The following SLC30A1 variants were observed in gnomAD, a reference collection of about 807,000 sequenced individuals.
SLC30A1 encodes proton-coupled zinc antiporter SLC30A1.
Under a neutral mutation model 29.8 loss-of-function variants are expected in SLC30A1, and 7 were observed. The observed-to-expected ratio is 0.23, with a 90% CI of 0.13 to 0.44. The LOEUF is 0.44. Among genes scored for constraint, SLC30A1 ranks in the 20% least tolerant of loss-of-function variants. The pLI, the probability that SLC30A1 is intolerant of heterozygous loss-of-function variation, is 1.00. For missense variants in SLC30A1, 446 were observed against 647.9 expected, an observed-to-expected ratio of 0.69 and a Z score of 3.38; for synonymous variants, 254 against 253.5, an observed-to-expected ratio of 1.00 and a Z score of -0.02.
In SLC30A1 at chr1:211,575,289, G is replaced by A; in HGVS notation, c.*99C>T. On this transcript the variant is annotated 3_prime_UTR_variant, in exon 2 of 2. Transcript: ENST00000367001. The surrounding 1 kb of genome is among the most constrained non-coding windows in gnomAD (Gnocchi z 6.0). The stretch of plus-strand genomic sequence containing the variant: ...AGAATTAAACTGTGTGACCAGACAA[G>A]GACTTCAATTACACTACTTGGCAAA... 1.1e-6 allele frequency: 1 copy of A among 939,616 alleles called. No individual in the cohort carries two copies. Among genetic ancestry groups the A allele is most frequent in the South Asian group, 1.6e-5 (1 of 61,256 alleles). The allele number at this position is 939,616 out of a possible 1,614,324, so 58.2% of individuals were successfully genotyped here.
Position 211,575,450 on chromosome 1 carries a change from T to A in SLC30A1, c.1462A>T (p.Ile488Phe), listed in dbSNP as rs191733477. 6.2e-7 allele frequency: 1 copy of A among 1,613,808 alleles called. No homozygotes were observed. Residue 488 changes from isoleucine to phenylalanine, a missense_variant, in exon 2 of 2, where the codon ATC (isoleucine) becomes TTC (phenylalanine). Physicochemically the swap from Ile to Phe is conservative, Grantham distance 21 (BLOSUM62 0). Around this residue, in one of 5 missense-constraint regions of SLC30A1, gnomAD observed 187 missense variants for 312.7 expected, o/e 0.60. Transcript: ENST00000367001. This position sits in a 1 kb window ranked among gnomAD's most constrained non-coding sequence, Gnocchi z 6.0. The part of the protein sequence containing the change: ...KKPRRTKAEN[I>F]PAVVIEIKNM... ...TTAATCTCTATCACAACAGCAGGGA[T>A]GTTTTCAGCTTTAGTCCTCCTGGGC...
rs915579314 is a variant in SLC30A1 at position 211,571,864 on chromosome 1, A to G, written c.*3524T>C. The G allele has an allele frequency of 1.1e-4, 17 of 152,196 alleles. No homozygotes were observed. The highest frequency in any genetic ancestry group is 2.4e-4 in the Non-Finnish European group (16 of 68,012). 9.4% of individuals were successfully genotyped at this position (152,196 alleles called of 1,614,324 possible). A position where few individuals can be genotyped will look rare whatever the true frequency, so the allele number is the denominator to read the frequency against. On this transcript the variant is annotated 3_prime_UTR_variant, in exon 2 of 2. Transcript: ENST00000367001. ...CAGAAGACACAAAACAACACAACAT[A>G]TAAGTTTCATAATCACAGAATATAC... is the stretch of plus-strand genomic sequence containing the variant.
In SLC30A1 at chr1:211,578,545, A is replaced by C; in HGVS notation, c.68T>G (p.Val23Gly). ...CACCCGGCTCACCACCACCTCCAGC[A>C]CCATGAACATGAAGGTCAGCGCCAG... Reference protein sequence around the residue: ...CMLALTFMFMVLEVVVSRVTS... With the variant: ...CMLALTFMFMGLEVVVSRVTS... The change falls in exon 1 of 2, where the codon GTG becomes GGG. Residue 23 changes from valine to glycine, a missense_variant. By Grantham distance (109) the Val-to-Gly change is moderately radical (BLOSUM62 -3). Coordinates refer to ENST00000367001, the MANE Select transcript of SLC30A1 (RefSeq NM_021194.3). 2 of 1,610,964 alleles carry C rather than the reference A, an allele frequency of 1.2e-6. No individual in the cohort carries two copies. Among genetic ancestry groups the C allele is most frequent in the Non-Finnish European group, 1.7e-6 (2 of 1,179,306 alleles).
chr1:211,571,748 T>C lies in SLC30A1; in HGVS notation c.*3640A>G, dbSNP rs1338493985. 6.6e-6 allele frequency: 1 copy of C among 152,192 alleles called. No homozygotes were observed. The highest frequency in any genetic ancestry group is 1.5e-5 in the Non-Finnish European group (1 of 68,022). The allele number at this position is 152,192 out of a possible 1,614,324, so 9.4% of individuals were successfully genotyped here. A position where few individuals can be genotyped will look rare whatever the true frequency, so the allele number is the denominator to read the frequency against. On this transcript the variant is annotated 3_prime_UTR_variant, in exon 2 of 2. Transcript: ENST00000367001. ...AACATACAAAAAGTTAGGTAAAATG[T>C]TGCAGCACTAAAGATATTTTATCTG...
In SLC30A1 at chr1:211,574,478, A is replaced by T. The variant is rs1415618979; in HGVS notation, c.*910T>A. 1 of 152,092 alleles carries T rather than the reference A, an allele frequency of 6.6e-6. No homozygotes were observed. The highest frequency in any genetic ancestry group is 2.4e-5 in the African/African-American group (1 of 41,446). 9.4% of individuals were successfully genotyped at this position (152,092 alleles called of 1,614,324 possible). Reference sequence around the variant, plus strand: ...GAAATGACCTTGAAAATTTTTTTTCAAACGCCCGGTTTAAAAGATTACATT... The same window carrying T: ...GAAATGACCTTGAAAATTTTTTTTCTAACGCCCGGTTTAAAAGATTACATT... On this transcript the variant is annotated 3_prime_UTR_variant, in exon 2 of 2. Coordinates refer to ENST00000367001, the MANE Select transcript of SLC30A1 (RefSeq NM_021194.3).
Position 211,578,491 on chromosome 1 carries a change from G to A in SLC30A1, c.122C>T (p.Ser41Phe). The A allele has an allele frequency of 6.2e-7, 1 of 1,612,366 alleles. No homozygotes were observed. Among genetic ancestry groups the A allele is most frequent in the South Asian group, 1.1e-5 (1 of 90,882 alleles). Residue 41 changes from serine (S) to phenylalanine (F), a missense_variant, in exon 1 of 2, where the codon TCC (serine) becomes TTC (phenylalanine). Physicochemically the swap from Ser to Phe is radical, Grantham distance 155. This residue lies in a region of SLC30A1 where 62 missense variants were observed against 91.5 expected (regional missense o/e 0.68). Coordinates refer to ENST00000367001, the MANE Select transcript of SLC30A1 (RefSeq NM_021194.3). ...VTSSLAMLSDSFHMLSDVLAL... is the reference protein window; with the variant it reads ...VTSSLAMLSDFFHMLSDVLAL... ...CAGCACGTCCGACAGCATGTGGAAG[G>A]AGTCGGAGAGCATCGCCAGCGACGA...
At position 211,571,713 on chromosome 1, in the gene SLC30A1, C is replaced by G. The variant is rs996934257; in HGVS notation, c.*3675G>C. 1 of 152,106 alleles carries G rather than the reference C, an allele frequency of 6.6e-6. No homozygotes were observed. The highest frequency in any genetic ancestry group is 1.5e-5 in the Non-Finnish European group (1 of 68,000). The allele number at this position is 152,106 out of a possible 1,614,324, so 9.4% of individuals were successfully genotyped here. A position where few individuals can be genotyped will look rare whatever the true frequency, so the allele number is the denominator to read the frequency against. On this transcript the variant is annotated 3_prime_UTR_variant, in exon 2 of 2. Coordinates refer to ENST00000367001, the MANE Select transcript of SLC30A1 (RefSeq NM_021194.3). ...AGGAACAGCTTTGGAAAATAACACA[C>G]AGTCATGAAAACATACAAAAAGTTA...
Position 211,575,497 on chromosome 1 carries a change from A to G in SLC30A1, c.1415T>C (p.Leu472Pro). ...TPAVSISCLE[L>P]SNNLEKKPRR... Reference sequence around the variant, plus strand: ...GGGCTTCTTCTCTAGATTGTTACTAAGTTCTAAACAAGAAATGCTAACTGC... The same window carrying G: ...GGGCTTCTTCTCTAGATTGTTACTAGGTTCTAAACAAGAAATGCTAACTGC... The change falls in exon 2 of 2, where the codon CTT becomes CCT. Residue 472 changes from leucine to proline, a missense_variant. Physicochemically the swap from Leu to Pro is moderately conservative, Grantham distance 98. Around this residue, in one of 5 missense-constraint regions of SLC30A1, gnomAD observed 187 missense variants for 312.7 expected, o/e 0.60. Transcript: ENST00000367001. The surrounding 1 kb of genome is among the most constrained non-coding windows in gnomAD (Gnocchi z 6.0). The G allele has an allele frequency of 4.3e-6, 7 of 1,614,158 alleles. No individual in the cohort carries two copies. The highest frequency in any genetic ancestry group is 5.9e-6 in the Non-Finnish European group (7 of 1,179,976).
At position 211,577,658 on chromosome 1, in the gene SLC30A1, C is replaced by A. The variant is rs1418044881; in HGVS notation, c.622+333G>T. Among the ~76,000 whole-genome samples the A allele has an allele frequency of 6.6e-6, 1 of 152,230 alleles. No individual in the cohort carries two copies. The highest frequency in any genetic ancestry group is 1.5e-5 in the Non-Finnish European group (1 of 68,048). On this transcript the variant is annotated intron_variant, in intron 1 of 1. Transcript: ENST00000367001. The surrounding 1 kb of genome is among the most constrained non-coding windows in gnomAD (Gnocchi z 4.5). ...TAACCATAACCAGACAAGTCTCCAGCAAAGTTGCTGCAGCCTGTAAAGACA... is the reference window on the plus strand; with the variant it reads ...TAACCATAACCAGACAAGTCTCCAGAAAAGTTGCTGCAGCCTGTAAAGACA...
chr1:211,573,633 G>GT lies in SLC30A1; in HGVS notation c.*1754dup, dbSNP rs1479913136. The GT allele has an allele frequency of 6.6e-6, 1 of 151,846 alleles. No homozygotes were observed. Among genetic ancestry groups the GT allele is most frequent in the Non-Finnish European group, 1.5e-5 (1 of 67,866 alleles). 9.4% of individuals were successfully genotyped at this position (151,846 alleles called of 1,614,324 possible). On this transcript the variant is annotated 3_prime_UTR_variant, in exon 2 of 2. Coordinates refer to ENST00000367001, the MANE Select transcript of SLC30A1 (RefSeq NM_021194.3). The stretch of plus-strand genomic sequence containing the variant: ...CCCAGATGAGATCCCTCAATTTCAT[G>GT]TTTAAAAAAAACCACCCAAACCTTT...
rs753665462 is a variant in SLC30A1 at position 211,578,607 on chromosome 1, C to T, written c.6G>A (p.Gly2=). 5.7e-5 allele frequency: 90 copies of T among 1,574,344 alleles called. No individual in the cohort carries two copies. Among genetic ancestry groups the T allele is most frequent in the Middle Eastern group, 3.4e-4 (2 of 5,918 alleles). ...GCCGGCCCCGGTTCCGACCCCAACA[C>T]CCCATGGCTGCGGCTGCGGGGCCCG... M[G]CWGRNRGRLL... Residue 2 remains glycine, a synonymous_variant, in exon 1 of 2, where the codon GGG becomes GGA. Coordinates refer to ENST00000367001, the MANE Select transcript of SLC30A1 (RefSeq NM_021194.3).
rs193271589 is a variant in SLC30A1 at position 211,575,682 on chromosome 1, G to A, written c.1230C>T (p.His410=). ...AKTIKDVFHN[H]GIHATTIQPE... is the part of the protein sequence containing the mutation. ...GCTGAATGGTAGTAGCGTGAATTCC[G>A]TGATTATGAAAAACGTCTTTAATGG... Residue 410 remains histidine, a synonymous_variant, in exon 2 of 2, where the codon CAC becomes CAT. Transcript: ENST00000367001. This position sits in a 1 kb window ranked among gnomAD's most constrained non-coding sequence, Gnocchi z 6.0. 3.5e-4 allele frequency: 563 copies of A among 1,614,182 alleles called. 4 individuals are homozygous for A. Among genetic ancestry groups the A allele is most frequent in the Admixed American group, 6.7e-5 (4 of 60,030 alleles).
At position 211,573,820 on chromosome 1, in the gene SLC30A1, A is replaced by C. The variant is rs1228894095; in HGVS notation, c.*1568T>G. ...GTGTTCCTAAAATTACCATATTTTC[A>C]CTGGAAAAAATCAGCTGTTCTTAAA... On this transcript the variant is annotated 3_prime_UTR_variant, in exon 2 of 2. Transcript: ENST00000367001. 1 of 152,404 alleles carries C rather than the reference A, an allele frequency of 6.6e-6. No individual in the cohort carries two copies. Among genetic ancestry groups the C allele is most frequent in the Non-Finnish European group, 1.5e-5 (1 of 67,914 alleles). The allele number at this position is 152,404 out of a possible 1,614,324, so 9.4% of individuals were successfully genotyped here. A position where few individuals can be genotyped will look rare whatever the true frequency, so the allele number is the denominator to read the frequency against.
Position 211,574,505 on chromosome 1 carries a change from A to G in SLC30A1, c.*883T>C, listed in dbSNP as rs1706695550. 1 of 152,114 alleles carries G rather than the reference A, an allele frequency of 6.6e-6. No individual in the cohort carries two copies. The highest frequency in any genetic ancestry group is 1.5e-5 in the Non-Finnish European group (1 of 67,970). The allele number at this position is 152,114 out of a possible 1,614,324, so 9.4% of individuals were successfully genotyped here. On this transcript the variant is annotated 3_prime_UTR_variant, in exon 2 of 2. Coordinates refer to ENST00000367001, the MANE Select transcript of SLC30A1 (RefSeq NM_021194.3). ...ACGCCCGGTTTAAAAGATTACATTA[A>G]TCGTTTGCGTTTAGCATGTAATTAT...
At position 211,575,565 on chromosome 1, in the gene SLC30A1, T is replaced by C. The variant is rs529076522; in HGVS notation, c.1347A>G (p.Thr449=). 5 of 1,614,142 alleles carry C rather than the reference T, an allele frequency of 3.1e-6. No homozygotes were observed. The African/African-American group carries it at 4.0e-5, about 13-fold the overall frequency. Residue 449 remains threonine (T), a synonymous_variant, in exon 2 of 2, where the codon ACA becomes ACG. Transcript: ENST00000367001. The surrounding 1 kb of genome is among the most constrained non-coding windows in gnomAD (Gnocchi z 6.0). ...CCTTTCCAGAAGGGGCTTGTGGTAGTGTCCCACAACATTGCTTCAAAGCAC... is the reference window on the plus strand; with the variant it reads ...CCTTTCCAGAAGGGGCTTGTGGTAGCGTCCCACAACATTGCTTCAAAGCAC... ...TQCALKQCCG[T]LPQAPSGKDA...
chr1:211,576,100 A>G lies in SLC30A1; in HGVS notation c.812T>C (p.Phe271Ser), dbSNP rs1706714454. 2.5e-6 allele frequency: 4 copies of G among 1,613,500 alleles called. No homozygotes were observed. Among genetic ancestry groups the G allele is most frequent in the Non-Finnish European group, 3.4e-6 (4 of 1,179,830 alleles). The change falls in exon 2 of 2, where the codon TTT (phenylalanine) becomes TCT (serine). Residue 271 changes from phenylalanine to serine, a missense_variant. Transcript: ENST00000367001. Reference protein sequence around the residue: ...IVVVNALVFYFSWKGCSEGDF... With the variant: ...IVVVNALVFYSSWKGCSEGDF... The stretch of plus-strand genomic sequence containing the variant: ...CCCTTCAGAACAACCTTTCCAAGAA[A>G]AGTAAAAGACTAAGGCATTTACTAC...
chr1:211,575,309 G>T lies in SLC30A1; in HGVS notation c.*79C>A. On this transcript the variant is annotated 3_prime_UTR_variant, in exon 2 of 2. Transcript: ENST00000367001. The surrounding 1 kb of genome is among the most constrained non-coding windows in gnomAD (Gnocchi z 6.0). ...GACAAGGACTTCAATTACACTACTT[G>T]GCAAACTTAGAATTTCAGTGGAGTC... 7.9e-7 allele frequency: 1 copy of T among 1,267,092 alleles called. No individual in the cohort carries two copies. Among genetic ancestry groups the T allele is most frequent in the East Asian group, 2.3e-5 (1 of 43,076 alleles). 78.5% of individuals were successfully genotyped at this position (1,267,092 alleles called of 1,614,324 possible).
rs748797126 is a variant in SLC30A1, at chr1:211,577,981, C to T, written c.622+10G>A. The T allele has an allele frequency of 2.5e-6, 4 of 1,612,524 alleles. No homozygotes were observed. The highest frequency in any genetic ancestry group is 3.4e-6 in the Non-Finnish European group (4 of 1,179,752). On this transcript the variant is annotated intron_variant, in intron 1 of 1. Coordinates refer to ENST00000367001, the MANE Select transcript of SLC30A1 (RefSeq NM_021194.3). This position sits in a 1 kb window ranked among gnomAD's most constrained non-coding sequence, Gnocchi z 4.5. Reference sequence around the variant, plus strand: ...CCCAACCACCTGCGGCAGCGACTTTCCCGGCTCACCTGCGGGGTCCAATTT... The same window carrying T: ...CCCAACCACCTGCGGCAGCGACTTTTCCGGCTCACCTGCGGGGTCCAATTT...
Position 211,576,008 on chromosome 1 carries a change from G to A in SLC30A1, c.904C>T (p.His302Tyr), listed in dbSNP as rs765251740. 8.7e-6 allele frequency: 14 copies of A among 1,613,460 alleles called. No homozygotes were observed. Among genetic ancestry groups the A allele is most frequent in the Admixed American group, 3.3e-5 (2 of 59,914 alleles). The change falls in exon 2 of 2, where the codon CAT (histidine) becomes TAT (tyrosine). Residue 302 changes from histidine to tyrosine, a missense_variant. This residue lies in a region of SLC30A1 where 187 missense variants were observed against 312.7 expected (regional missense o/e 0.60). Transcript: ENST00000367001. ...GGACCAGCCTCATAAACTGATGCAT[G>A]AGTACTATTAATTATTTCTACAAAT... ...KAFVEIINSTHASVYEAGPCW... is the reference protein window; with the variant it reads ...KAFVEIINSTYASVYEAGPCW...
Sources: allele counts gnomAD v4.1 joint callset (sites outside exome capture counted in the v4.1 genomes callset), GRCh38; gene constraint gnomAD v4.1.1; regional missense constraint gnomAD v4.1.1; non-coding constraint Gnocchi (gnomAD v3.1); transcripts MANE v1.5; gene names NCBI Gene and HGNC (gene_info 2026-07-23, HGNC 2026-07-21).